AGBL1: variants seen among roughly 807,000 people sequenced by gnomAD.
The protein encoded by AGBL1 is cytosolic carboxypeptidase 4.
A neutral mutation model predicts 118.9 loss-of-function variants in AGBL1; 130 were observed. That is an observed-to-expected ratio of 1.09 (90% confidence interval 0.95 to 1.26). AGBL1 has a LOEUF of 1.26. AGBL1 is among the 50% of genes most tolerant of loss of function. AGBL1 has a pLI of 0.00. For synonymous variants in AGBL1, 555 were observed against 478.9 expected, an observed-to-expected ratio of 1.16 and a Z score of -2.08; for missense variants, 1,584 against 1,298.1, an observed-to-expected ratio of 1.22 and a Z score of -3.38.
At chr15:86,799,653 A>G (rs1418162445) in intron 22 of AGBL1, among the ~76,000 whole-genome samples, 1 of 152,160 alleles carries the variant, frequency 6.6e-6, no homozygotes, top group Non-Finnish European at 1.5e-5. Flanking sequence ...GAGAAATTGA[A>G]TAAGTAATTT....
intron 18 of AGBL1, among the ~76,000 whole-genome samples, chr15:86,452,474 A>G (rs2082206497): frequency 6.6e-6 from 1 of 152,178 alleles, no homozygotes; most frequent in Non-Finnish European, 1.5e-5. Context: ...CAATTACACC[A>G]GGAACTCCTT....
At chr15:86,534,542 C>T (rs954652004) in intron 19 of AGBL1, among the ~76,000 whole-genome samples, 1 of 152,160 alleles carries the variant, frequency 6.6e-6, no homozygotes, top group Non-Finnish European at 1.5e-5. Flanking sequence ...CATTTGATAT[C>T]ACACAGACCT....
At chr15:87,024,250 G>C (rs1031585703) in intron 24 of AGBL1, among the ~76,000 whole-genome samples, 1 of 151,828 alleles carries the variant, frequency 6.6e-6, no homozygotes, top group Non-Finnish European at 1.5e-5. Flanking sequence ...GATTAACCAA[G>C]AAGAGAGAAA....
At chr15:86,253,534 G>GC (rs1321223397) in intron 7 of AGBL1, among the ~76,000 whole-genome samples, 13 of 152,112 alleles carry the variant, frequency 8.5e-5, no homozygotes, top group Middle Eastern at 3.4e-3. Context: ...CAGGCGTGAG[G>GC]CACCATGCCT....
At chr15:87,007,097 G>C (rs1160520749) in intron 24 of AGBL1, among the ~76,000 whole-genome samples, 1 of 152,098 alleles carries the variant, frequency 6.6e-6, no homozygotes, top group Non-Finnish European at 1.5e-5. Context: ...GTTATAGAAA[G>C]GGTTCAAAAA....
chr15:86,648,520 T>G (rs1335721681), intron 21 of AGBL1, among the ~76,000 whole-genome samples: 1 of 152,262 alleles, frequency 6.6e-6, no homozygotes, highest in African/African-American at 2.4e-5. Context: ...GTGGGGACAA[T>G]ATAAACAATT....
chr15:86,244,617 G>A (rs2078691915), intron 6 of AGBL1, among the ~76,000 whole-genome samples: 1 of 152,080 alleles, frequency 6.6e-6, no homozygotes, highest in Non-Finnish European at 1.5e-5. Flanking sequence ...ATTGGGATTT[G>A]ATAAGGGATT....
Position 86,086,693 on chromosome 15 carries a change from C to T in AGBL1, c.51+6670C>T, listed in dbSNP as rs531214724. On this transcript the variant is annotated intron_variant, in intron 1 of 22. Coordinates refer to ENST00000614907, the MANE Select transcript of AGBL1 (RefSeq NM_001386094.1). The stretch of plus-strand genomic sequence containing the variant: ...CTGAATACATCTATGGAGTAACCTA[C>T]AGTAACATGGAGGAATCGCACAAAG... 2.2e-3 allele frequency among the ~76,000 whole-genome samples: 334 copies of T among 152,234 alleles called. 15 individuals carry two copies. In the South Asian group the frequency reaches 0.066, roughly 30 times the overall value.
chr15:86,687,614 T>C (rs1008600388), intron 22 of AGBL1, among the ~76,000 whole-genome samples: 1 of 152,108 alleles, frequency 6.6e-6, no homozygotes, highest in Non-Finnish European at 1.5e-5. Flanking sequence ...TAGACAAATC[T>C]ACAGCTTCAA....
chr15:86,709,157 C>G lies in AGBL1; in HGVS notation c.3158+34721C>G, dbSNP rs573557241. ...CCTGGAAAACACTTTTCTCATCCCT[C>G]CACACACAAAACTTGTACTCATCAT... On this transcript the variant is annotated intron_variant, in intron 22 of 22. Transcript: ENST00000614907. Among the ~76,000 whole-genome samples, 17 of 152,230 alleles carry G rather than the reference C, an allele frequency of 1.1e-4. No individual in the cohort carries two copies. In the South Asian group the frequency reaches 3.1e-3, roughly 28 times the overall value.
At chr15:86,475,710 G>T (rs189017123) in intron 18 of AGBL1, among the ~76,000 whole-genome samples, 3 of 152,124 alleles carry the variant, frequency 2.0e-5, no homozygotes. Context: ...TTCAAATTCA[G>T]GAAATACAGA....
intron 19 of AGBL1, among the ~76,000 whole-genome samples, chr15:86,538,994 A>G (rs902352782): frequency 3.9e-5 from 6 of 152,246 alleles, no homozygotes; most frequent in African/African-American, 1.2e-4. Flanking sequence ...GCAAGAAATC[A>G]TGGAACTCAT....
rs751427467 is a variant in AGBL1 at position 86,391,640 on chromosome 15, GTTTTTTTTT to G, written c.2375-5709_2375-5701del. 8.8e-3 allele frequency among the ~76,000 whole-genome samples: 653 copies of G among 73,846 alleles called. 4 individuals carry two copies. Among genetic ancestry groups the G allele is most frequent in the African/African-American group, 0.035 (626 of 17,822 alleles). The allele number at this position is 73,846 out of a possible 152,430, so 48.4% of individuals were successfully genotyped here. ...ATACCTTTGTATAATGTTGTTGTTG[GTTTTTTTTT>G]TTTTTTTTTTTTTTTTGTGGTGCTT... On this transcript the variant is annotated intron_variant, in intron 17 of 22. Transcript: ENST00000614907.
chr15:86,905,356 G>A (rs1002304944), intron 22 of AGBL1, among the ~76,000 whole-genome samples: 3 of 152,154 alleles, frequency 2.0e-5, no homozygotes, highest in African/African-American at 4.8e-5. Flanking sequence ...TGCACTAATA[G>A]GCAAGGGAGC....
At chr15:86,879,324 G>A (rs555679383) in intron 22 of AGBL1, among the ~76,000 whole-genome samples, 1 of 152,146 alleles carries the variant, frequency 6.6e-6, no homozygotes, top group Non-Finnish European at 1.5e-5. Flanking sequence ...CTCCTCTGAT[G>A]GTTATAAAGA....
chr15:86,958,158 T>C (rs1037922825), intron 23 of AGBL1, among the ~76,000 whole-genome samples: 1 of 151,370 alleles, frequency 6.6e-6, no homozygotes, highest in African/African-American at 2.4e-5. Flanking sequence ...TAAGCTATGA[T>C]TGTGCCACTG....
intron 22 of AGBL1, among the ~76,000 whole-genome samples, chr15:86,805,205 C>A (rs1394694795): frequency 6.8e-6 from 1 of 147,526 alleles, no homozygotes; most frequent in Non-Finnish European, 1.5e-5. Flanking sequence ...TTTTTTTTTT[C>A]CTATTGCTCA....
intron 21 of AGBL1, among the ~76,000 whole-genome samples, chr15:86,635,733 A>G (rs2085071784): frequency 6.6e-6 from 1 of 152,188 alleles, no homozygotes; most frequent in Non-Finnish European, 1.5e-5. Flanking sequence ...TACAAAAGTG[A>G]ATATTTAGAG....
chr15:86,772,021 T>G (rs1293611805), intron 22 of AGBL1, among the ~76,000 whole-genome samples: 1 of 151,942 alleles, frequency 6.6e-6, no homozygotes, highest in Non-Finnish European at 1.5e-5. Flanking sequence ...GGGGCACTTA[T>G]GAAAAACAAG....
Sources: gnomAD v4.1 joint callset for allele counts (sites outside exome capture counted in the v4.1 genomes callset) on GRCh38, gnomAD v4.1.1 for gene constraint, MANE v1.5 for transcripts, NCBI Gene and HGNC (gene_info 2026-07-23, HGNC 2026-07-21) for gene names.